Variants in BTBD8 observed in about 807,000 individuals in gnomAD.
BTBD8 encodes BTB domain containing 8, also known as BTB/POZ domain-containing protein 8.
In BTBD8, 110 loss-of-function variants were observed where a neutral mutation model predicts 162.9. The ratio of observed to expected loss-of-function variants is 0.68; its 90% CI spans 0.58 to 0.79. The LOEUF is 0.79. Among genes scored for constraint, BTBD8 ranks in the 30% least tolerant of loss-of-function variants. The probability of loss-of-function intolerance (pLI) is 0.00; values close to 1 mark genes in which losing one functional copy is unlikely to be tolerated. For synonymous variants in BTBD8, 667 were observed against 716.1 expected (o/e 0.93, Z 1.10); for missense variants, 1,905 against 2,085.4 (o/e 0.91, Z 1.68).
rs957774020 is a variant in BTBD8, at chr1:92,146,288, T to TA, written c.931-883dup. Among the ~76,000 whole-genome samples the TA allele has an allele frequency of 8.2e-4, 124 of 150,944 alleles. 1 individual carries two copies. Among genetic ancestry groups the TA allele is most frequent in the South Asian group, 3.1e-3 (15 of 4,778 alleles). On this transcript the variant is annotated intron_variant, in intron 7 of 17. Transcript: ENST00000636805. ...TTGGTTTTAAAAGAATAACAGACTT[T>TA]AAAAAAAAACAAAACTTAGAGCATT...
intron 4 of BTBD8, 45 bp downstream of exon 4, chr1:92,108,046 G>A (rs752569392): frequency 6.6e-7 from 1 of 1,524,248 alleles, no homozygotes; most frequent in Non-Finnish European, 9.1e-7. Context: ...TGGCTGTAGA[G>A]TGTGGAAGGG....
chr1:92,117,350 A>G (rs1649071024), intron 4 of BTBD8, among the ~76,000 whole-genome samples: 1 of 87,482 alleles, frequency 1.1e-5, no homozygotes, highest in Admixed American at 1.2e-4. Flanking sequence ...AAAGATTATT[A>G]AAGGTTTTTT....
chr1:92,173,215 A>G (rs504613), intron 13 of BTBD8, among the ~76,000 whole-genome samples: 111,737 of 151,800 alleles, frequency 0.74, 42,109 homozygotes, highest in East Asian at 0.97. Context: ...GTGAGCCACC[A>G]CGCCCAACCC....
At chr1:92,118,282 CT>C (rs3040583) in intron 4 of BTBD8, among the ~76,000 whole-genome samples, 108 of 122,316 alleles carry the variant, frequency 8.8e-4, no homozygotes, top group Middle Eastern at 4.3e-3. Context: ...TTCAGACTTT[CT>C]TTTTTTTTTT....
chr1:92,181,363 C>T lies in BTBD8; in HGVS notation c.3680C>T (p.Pro1227Leu), dbSNP rs1289294136. The change falls in exon 17 of 18, where the codon CCA becomes CTA. Residue 1227 changes from proline (P) to leucine (L), a missense_variant. Around this residue, in one of 3 missense-constraint regions of BTBD8, gnomAD observed 1,374 missense variants for 1,442.7 expected, o/e 0.95. Coordinates refer to ENST00000636805, the MANE Select transcript of BTBD8 (RefSeq NM_001376131.1). ...TSESPESHET[P>L]ETPFVGHWNL... ...GAATCTCCAGAGAGCCATGAAACTC[C>T]AGAAACTCCATTTGTGGGTCACTGG... 1.9e-6 allele frequency: 3 copies of T among 1,551,628 alleles called. No homozygotes were observed. Among genetic ancestry groups the T allele is most frequent in the Non-Finnish European group, 2.6e-6 (3 of 1,146,964 alleles).
intron 1 of BTBD8, among the ~76,000 whole-genome samples, chr1:92,084,583 A>G (rs1648103594): frequency 6.6e-6 from 1 of 152,170 alleles, no homozygotes; most frequent in South Asian, 2.1e-4. Context: ...GCTGTTTGCA[A>G]GGGTTTGCAG....
At chr1:92,101,853 C>T (rs537754) in intron 2 of BTBD8, among the ~76,000 whole-genome samples, 4,748 of 152,048 alleles carry the variant, frequency 0.031, 86 homozygotes, top group African/African-American at 0.038. Context: ...CATGCCACCA[C>T]ACTCTGCTAA....
intron 6 of BTBD8, 79 bp from the exon 7 acceptor site, chr1:92,141,036 T>G (rs952117689): frequency 7.7e-7 from 1 of 1,294,878 alleles, no homozygotes; most frequent in African/African-American, 1.5e-5. Context: ...AAACAGACTA[T>G]ATATTATCAA....
rs1435733947 is a variant in BTBD8, at chr1:92,184,248, G to A, written c.5297G>A (p.Ser1766Asn). The change falls in exon 18 of 18, where the codon AGC (serine) becomes AAC (asparagine). Residue 1766 changes from serine (S) to asparagine (N), a missense_variant. Coordinates refer to ENST00000636805, the MANE Select transcript of BTBD8 (RefSeq NM_001376131.1). The part of the protein sequence containing the change: ...ELTSPLDSSA[S>N]ITMASFSSED... ...ACATCTCCACTTGATTCCTCAGCGA[G>A]CATCACCATGGCTAGTTTTTCCTCT... The A allele has an allele frequency of 6.4e-7, 1 of 1,551,478 alleles. No individual in the cohort carries two copies. Among genetic ancestry groups the A allele is most frequent in the Admixed American group, 2.0e-5 (1 of 50,988 alleles).
At position 92,147,777 on chromosome 1, in the gene BTBD8, T is replaced by G. The variant is rs1649959754; in HGVS notation, c.1113T>G (p.Ile371Met). ...EIQKSCLNMLIQSLNDKNAAF... is the reference protein window; with the variant it reads ...EIQKSCLNMLMQSLNDKNAAF... Reference sequence around the variant, plus strand: ...AGAAAAGTTGTCTTAATATGTTGATTCAGTCCTTAGTAAGTATAACCTGAA... The same window carrying G: ...AGAAAAGTTGTCTTAATATGTTGATGCAGTCCTTAGTAAGTATAACCTGAA... Residue 371 changes from isoleucine (I) to methionine (M), a missense_variant, in exon 9 of 18, where the codon ATT (isoleucine) becomes ATG (methionine). Physicochemically the swap from Ile to Met is conservative, Grantham distance 10. This residue lies in a region of BTBD8 where 1,374 missense variants were observed against 1,442.7 expected (regional missense o/e 0.95). Transcript: ENST00000636805. 6.2e-7 allele frequency: 1 copy of G among 1,612,134 alleles called. No homozygotes were observed. The highest frequency in any genetic ancestry group is 2.2e-5 in the East Asian group (1 of 44,794).
intron 2 of BTBD8, among the ~76,000 whole-genome samples, chr1:92,091,553 T>C (rs76338936): frequency 6.6e-6 from 1 of 151,874 alleles, no homozygotes; most frequent in Non-Finnish European, 1.5e-5. Context: ...TTTTTATTTT[T>C]AGACGGAGTC....
chr1:92,110,957 T>C (rs1225906618), intron 4 of BTBD8, among the ~76,000 whole-genome samples: 1 of 152,204 alleles, frequency 6.6e-6, no homozygotes, highest in Non-Finnish European at 1.5e-5. Context: ...TAAAATTCTC[T>C]TATGCTGCCT....
At chr1:92,086,648 T>C (rs552697955) in intron 1 of BTBD8, among the ~76,000 whole-genome samples, 1 of 151,842 alleles carries the variant, frequency 6.6e-6, no homozygotes, top group South Asian at 2.1e-4. Context: ...AAAAGGAAAT[T>C]TGATTGCCAT....
chr1:92,166,994 G>A lies in BTBD8; in HGVS notation c.1159G>A (p.Asp387Asn), dbSNP rs946555420. 1.0e-5 allele frequency: 16 copies of A among 1,549,746 alleles called. No individual in the cohort carries two copies. The African/African-American group carries it at 2.1e-4, about 20-fold the overall frequency. Residue 387 changes from aspartate (D) to asparagine (N), a missense_variant, in exon 10 of 18, where the codon GAC (aspartate) becomes AAC (asparagine). Transcript: ENST00000636805. ...KNAAFLLMES[D>N]RLIISLPRVK... The stretch of plus-strand genomic sequence containing the variant: ...TGCTGCTTTTCTTCTGATGGAAAGT[G>A]ACAGGCTAATCATCAGTTTACCCAG...
At position 92,175,816 on chromosome 1, in the gene BTBD8, GA is replaced by G. The variant is rs574464568; in HGVS notation, c.1636-1005del. ...TCTCAAAAAAGAAAGAAAAAAGAAA[GA>G]AAAAAAAGAATGACAATATGATCTT... On this transcript the variant is annotated intron_variant, in intron 13 of 17. Coordinates refer to ENST00000636805, the MANE Select transcript of BTBD8 (RefSeq NM_001376131.1). Among the ~76,000 whole-genome samples, 837 of 149,340 alleles carry G rather than the reference GA, an allele frequency of 5.6e-3. 4 individuals are homozygous for G. The highest frequency in any genetic ancestry group is 0.01 in the Middle Eastern group (3 of 288).
chr1:92,158,819 A>C (rs894227559), intron 9 of BTBD8, among the ~76,000 whole-genome samples: 1 of 152,166 alleles, frequency 6.6e-6, no homozygotes, highest in African/African-American at 2.4e-5. Flanking sequence ...TCTGTCACCC[A>C]AGCTGGAGTG....
At chr1:92,094,234 C>T (rs1648391321) in intron 2 of BTBD8, among the ~76,000 whole-genome samples, 2 of 152,170 alleles carry the variant, frequency 1.3e-5, no homozygotes, top group Admixed American at 6.5e-5. Context: ...ATGTAAGCTC[C>T]TTGAGATTAG....
At chr1:92,144,675 G>A (rs1359768527) in intron 7 of BTBD8, among the ~76,000 whole-genome samples, 1 of 151,784 alleles carries the variant, frequency 6.6e-6, no homozygotes, top group Non-Finnish European at 1.5e-5. Flanking sequence ...GCCAGGCATA[G>A]TGGGATGTGC....
Position 92,184,360 on chromosome 1 carries a change from C to G in BTBD8, c.*30C>G, listed in dbSNP as rs954241676. On this transcript the variant is annotated 3_prime_UTR_variant, in exon 18 of 18. Transcript: ENST00000636805. Reference sequence around the variant, plus strand: ...TAACATTTTGGAAAAATTTATGCCACTCCTTTATTTTTTGATGCCTATATT... The same window carrying G: ...TAACATTTTGGAAAAATTTATGCCAGTCCTTTATTTTTTGATGCCTATATT... 2.8e-6 allele frequency: 4 copies of G among 1,409,754 alleles called. No individual in the cohort carries two copies. The highest frequency in any genetic ancestry group is 2.9e-5 in the African/African-American group (2 of 69,192). The allele number at this position is 1,409,754 out of a possible 1,614,324, so 87.3% of individuals were successfully genotyped here. A position where few individuals can be genotyped will look rare whatever the true frequency, so the allele number is the denominator to read the frequency against.
Sources: gnomAD v4.1 joint callset for allele counts (sites outside exome capture counted in the v4.1 genomes callset) on GRCh38, gnomAD v4.1.1 for gene constraint, gnomAD v4.1.1 regional missense constraint, MANE v1.5 for transcripts, NCBI Gene and HGNC (gene_info 2026-07-23, HGNC 2026-07-21) for gene names.